The following ZBTB7C variants were observed in gnomAD, a reference collection of about 807,000 sequenced individuals.
The protein encoded by ZBTB7C is zinc finger and BTB domain containing 7C, also known as zinc finger and BTB domain-containing protein 7C.
Under a neutral mutation model 25.7 loss-of-function variants are expected in ZBTB7C, and 8 were observed. The observed-to-expected ratio is 0.31, with a 90% CI of 0.18 to 0.56. The LOEUF (loss-of-function observed/expected upper bound fraction) is 0.56. ZBTB7C is among the 20% of genes least tolerant of loss of function. The pLI, the probability that ZBTB7C is intolerant of heterozygous loss-of-function variation, is 0.91. For synonymous variants in ZBTB7C, 394 were observed against 369.0 expected (o/e 1.07, Z -0.78); for missense variants, 824 against 855.2 (o/e 0.96, Z 0.46).
intron 1 of ZBTB7C, among the ~76,000 whole-genome samples, chr18:48,393,642 C>A (rs1262952882): frequency 2.0e-5 from 3 of 152,074 alleles, no homozygotes; most frequent in Non-Finnish European, 4.4e-5. Context: ...CACACACATG[C>A]ATGTATGTGC....
chr18:48,263,716 A>C (rs1002826236), intron 2 of ZBTB7C, among the ~76,000 whole-genome samples: 9 of 151,868 alleles, frequency 5.9e-5, no homozygotes, highest in African/African-American at 2.2e-4. Flanking sequence ...AAAACTCAGC[A>C]GAAAGGAGCC....
chr18:48,136,081 C>T (rs1224532178), intron 3 of ZBTB7C, among the ~76,000 whole-genome samples: 4 of 151,786 alleles, frequency 2.6e-5, no homozygotes, highest in Admixed American at 2.6e-4. Flanking sequence ...GCGGGGTGGG[C>T]GGCGGGCAGG....
intron 3 of ZBTB7C, among the ~76,000 whole-genome samples, chr18:48,081,452 T>C (rs749572364): frequency 9.1e-6 from 1 of 110,174 alleles, no homozygotes; most frequent in East Asian, 2.4e-4. Flanking sequence ...TCTTTTTCTT[T>C]TTCTTTTTCT....
chr18:48,276,504 T>C (rs1273603079), intron 2 of ZBTB7C, among the ~76,000 whole-genome samples: 1 of 119,668 alleles, frequency 8.4e-6, no homozygotes, highest in East Asian at 2.6e-4. Context: ...CCTGTGTCCA[T>C]GTGATCTCAT....
At chr18:48,055,060 A>G (rs890971836) in intron 3 of ZBTB7C, among the ~76,000 whole-genome samples, 1 of 152,136 alleles carries the variant, frequency 6.6e-6, no homozygotes, top group African/African-American at 2.4e-5. Flanking sequence ...TTCACTGGGC[A>G]GGTAAGAGTA....
At chr18:48,144,320 A>G (rs1051222229) in intron 3 of ZBTB7C, among the ~76,000 whole-genome samples, 8 of 152,104 alleles carry the variant, frequency 5.3e-5, no homozygotes, top group Admixed American at 1.3e-4. Context: ...TTTACCATGT[A>G]ACAACTACAT....
rs547157060 is a variant in ZBTB7C at position 48,138,049 on chromosome 18, A to G, written c.-17+47885T>C. 2.0e-5 allele frequency among the ~76,000 whole-genome samples: 3 copies of G among 152,388 alleles called. No homozygotes were observed. The East Asian group carries it at 5.8e-4, about 29-fold the overall frequency. The stretch of plus-strand genomic sequence containing the variant: ...ATACCTCTGCTGACTGTTCTCAGAA[A>G]TGGGGGAAGCGCCAGGGGAGTGAAT... On this transcript the variant is annotated intron_variant, in intron 3 of 4. Transcript: ENST00000590800.
chr18:48,046,225 T>C (rs1312412048), intron 3 of ZBTB7C, among the ~76,000 whole-genome samples: 1 of 152,268 alleles, frequency 6.6e-6, no homozygotes, highest in African/African-American at 2.4e-5. Context: ...ACAGACACTA[T>C]AGATTTGTGA....
At chr18:48,070,128 G>A (rs2037488174) in intron 3 of ZBTB7C, among the ~76,000 whole-genome samples, 1 of 152,204 alleles carries the variant, frequency 6.6e-6, no homozygotes, top group Admixed American at 6.5e-5. Context: ...GTATCAAAAA[G>A]GCAGAAAGGG....
chr18:48,401,641 C>G (rs139337391), intron 1 of ZBTB7C, among the ~76,000 whole-genome samples: 3 of 152,136 alleles, frequency 2.0e-5, no homozygotes, highest in African/African-American at 7.2e-5. Context: ...AAGGACACTT[C>G]CTCCCCTGGG....
intron 3 of ZBTB7C, among the ~76,000 whole-genome samples, chr18:48,134,764 TG>T (rs2040095147): frequency 1.3e-5 from 2 of 152,248 alleles, no homozygotes; most frequent in African/African-American, 4.8e-5. Context: ...TCTCAGAGAC[TG>T]TTTGGGCCTC....
chr18:48,231,668 G>A (rs1015303550), intron 2 of ZBTB7C, among the ~76,000 whole-genome samples: 5 of 152,206 alleles, frequency 3.3e-5, no homozygotes, highest in African/African-American at 1.2e-4. Flanking sequence ...TGGTGGGGCT[G>A]AAAGAGCTTT....
At chr18:48,132,042 T>C (rs1421815183) in intron 3 of ZBTB7C, among the ~76,000 whole-genome samples, 1 of 152,168 alleles carries the variant, frequency 6.6e-6, no homozygotes, top group Non-Finnish European at 1.5e-5. Context: ...CCTAGGTATA[T>C]ACCCCAAAGA....
chr18:48,242,624 A>G (rs2043560362), intron 2 of ZBTB7C, among the ~76,000 whole-genome samples: 1 of 152,236 alleles, frequency 6.6e-6, no homozygotes, highest in South Asian at 2.1e-4. Context: ...ATAGTCACAG[A>G]AAAAGCATTT....
intron 1 of ZBTB7C, among the ~76,000 whole-genome samples, chr18:48,352,308 C>T (rs541752533): frequency 1.2e-4 from 18 of 152,216 alleles, no homozygotes; most frequent in Admixed American, 9.2e-4. Context: ...ACCTGCCTTG[C>T]CAGTGTCACC....
chr18:48,188,757 G>A (rs940347822), intron 2 of ZBTB7C, among the ~76,000 whole-genome samples: 4 of 151,908 alleles, frequency 2.6e-5, no homozygotes, highest in Admixed American at 6.6e-5. Context: ...TCTCCCCACC[G>A]GGAACCTGGG....
chr18:48,246,736 A>G (rs1284921112), intron 2 of ZBTB7C, among the ~76,000 whole-genome samples: 1 of 152,108 alleles, frequency 6.6e-6, no homozygotes, highest in Non-Finnish European at 1.5e-5. Context: ...ATGAGACACC[A>G]TATCGTACTT....
intron 3 of ZBTB7C, among the ~76,000 whole-genome samples, chr18:48,139,822 G>C (rs371258223): frequency 3.1e-4 from 47 of 152,242 alleles, no homozygotes; most frequent in African/African-American, 9.4e-4. Flanking sequence ...CCACAGAAGG[G>C]GCTCTGGATG....
chr18:48,349,770 T>C (rs1166375120), intron 1 of ZBTB7C, among the ~76,000 whole-genome samples: 1 of 152,124 alleles, frequency 6.6e-6, no homozygotes, highest in Non-Finnish European at 1.5e-5. Flanking sequence ...AATTCCACAT[T>C]TAACAGAGGC....
Sources: gnomAD v4.1 joint callset for allele counts (sites outside exome capture counted in the v4.1 genomes callset) on GRCh38, gnomAD v4.1.1 for gene constraint, MANE v1.5 for transcripts, NCBI Gene and HGNC (gene_info 2026-07-23, HGNC 2026-07-21) for gene names.